Variants in GRID2 observed in about 807,000 individuals in gnomAD.
The protein encoded by GRID2 is glutamate ionotropic receptor delta type subunit 2.
A neutral mutation model predicts 114.8 loss-of-function variants in GRID2; 33 were observed. The ratio of observed to expected loss-of-function variants is 0.29; its 90% CI spans 0.22 to 0.38. The LOEUF is 0.38. Among genes scored for constraint, GRID2 ranks in the 10% least tolerant of loss-of-function variants. The probability of loss-of-function intolerance (pLI) is 1.00; values close to 1 mark genes in which losing one functional copy is unlikely to be tolerated. For missense variants in GRID2, 1,184 were observed against 1,257.7 expected, an observed-to-expected ratio of 0.94 and a Z score of 0.89; for synonymous variants, 505 against 449.9, an observed-to-expected ratio of 1.12 and a Z score of -1.55.
chr4:93,199,110 G>A (rs1741812443), intron 4 of GRID2, among the ~76,000 whole-genome samples: 1 of 152,102 alleles, frequency 6.6e-6, no homozygotes, highest in Admixed American at 6.5e-5. Flanking sequence ...ATAGGCAAGG[G>A]ATGAGGGGTC....
At chr4:93,703,299 G>A (rs888623072) in intron 14 of GRID2, among the ~76,000 whole-genome samples, 1 of 151,978 alleles carries the variant, frequency 6.6e-6, no homozygotes, top group East Asian at 1.9e-4. Flanking sequence ...TATTTATAAG[G>A]TACGTGAGAT....
chr4:93,580,712 G>A (rs17020804), intron 13 of GRID2, among the ~76,000 whole-genome samples: 5,633 of 151,992 alleles, frequency 0.037, 120 homozygotes, highest in African/African-American at 0.056. Flanking sequence ...ACTGAGGAAA[G>A]TGGAAAGTGA....
rs1456334452 is a variant in GRID2 at position 92,731,231 on chromosome 4, A to T, written c.244+140945A>T. Among the ~76,000 whole-genome samples, 5 of 149,210 alleles carry T rather than the reference A, an allele frequency of 3.4e-5. No individual in the cohort carries two copies. In the Admixed American group the frequency reaches 3.4e-4, roughly 10 times the overall value. On this transcript the variant is annotated intron_variant, in intron 2 of 15. Transcript: ENST00000282020. ...TCTAGCTAATTTTAGACAATAAGTG[A>T]TTTTTTTTTTTCTTTCTTTCTTTCT...
intron 2 of GRID2, among the ~76,000 whole-genome samples, chr4:92,693,836 A>C (rs1172488658): frequency 6.6e-6 from 1 of 152,234 alleles, no homozygotes; most frequent in Non-Finnish European, 1.5e-5. Context: ...GTTATATAGG[A>C]TAGATTAAAA....
At chr4:92,687,110 C>T (rs1208281439) in intron 2 of GRID2, among the ~76,000 whole-genome samples, 1 of 151,968 alleles carries the variant, frequency 6.6e-6, no homozygotes, top group African/African-American at 2.4e-5. Context: ...TCTGGAGTTA[C>T]CATGCCTTTT....
At chr4:93,331,492 G>C (rs967758576) in intron 8 of GRID2, among the ~76,000 whole-genome samples, 3 of 151,830 alleles carry the variant, frequency 2.0e-5, no homozygotes, top group Admixed American at 2.0e-4. Context: ...TCACATACAA[G>C]ATAGGTAGTA....
At chr4:93,287,600 T>A (rs772011501) in intron 8 of GRID2, among the ~76,000 whole-genome samples, 3 of 152,080 alleles carry the variant, frequency 2.0e-5, no homozygotes, top group Non-Finnish European at 2.9e-5. Context: ...ATTAGAAGAG[T>A]TTAACTTAAT....
chr4:92,814,543 G>A lies in GRID2; in HGVS notation c.244+224257G>A, dbSNP rs896502435. Among the ~76,000 whole-genome samples, 7 of 152,164 alleles carry A rather than the reference G, an allele frequency of 4.6e-5. No individual in the cohort carries two copies. The East Asian group carries it at 1.4e-3, about 30-fold the overall frequency. ...GGACTTGTTGGAAATGTTTTCCTCT[G>A]GGATTCCAAATAAGTCACCCATAGG... is the stretch of plus-strand genomic sequence containing the variant. On this transcript the variant is annotated intron_variant, in intron 2 of 15. Coordinates refer to ENST00000282020, the MANE Select transcript of GRID2 (RefSeq NM_001510.4).
rs1469605304 is a variant in GRID2, at chr4:93,639,773, G to C, written c.2360+13338G>C. Among the ~76,000 whole-genome samples, 2 of 11,056 alleles carry C rather than the reference G, an allele frequency of 1.8e-4. 1 individual carries two copies. The highest frequency in any genetic ancestry group is 2.8e-4 in the Non-Finnish European group (2 of 7,130). The allele number at this position is 11,056 out of a possible 152,430, so 7.3% of individuals were successfully genotyped here. ...CCTCCAGCTTTGTTCTTTTGGCTTA[G>C]GATTGACTTGGCAATGCGGGTTCTT... On this transcript the variant is annotated intron_variant, in intron 14 of 15. Transcript: ENST00000282020.
intron 2 of GRID2, among the ~76,000 whole-genome samples, chr4:92,646,474 C>G (rs1259645158): frequency 6.6e-6 from 1 of 150,874 alleles, no homozygotes; most frequent in African/African-American, 2.4e-5. Flanking sequence ...TAAATCTTGA[C>G]TAAAAAAAAA....
At chr4:92,591,486 G>A (rs1465705753) in intron 2 of GRID2, among the ~76,000 whole-genome samples, 1 of 152,048 alleles carries the variant, frequency 6.6e-6, no homozygotes, top group Non-Finnish European at 1.5e-5. Flanking sequence ...TAAAACATTT[G>A]CCTCATTAAA....
intron 2 of GRID2, among the ~76,000 whole-genome samples, chr4:92,941,843 G>T (rs1751167039): frequency 1.3e-5 from 2 of 152,252 alleles, no homozygotes; most frequent in South Asian, 4.2e-4. Flanking sequence ...AGTCATTCAG[G>T]AGCAGGTTGC....
At chr4:92,941,245 A>G (rs1344002979) in intron 2 of GRID2, among the ~76,000 whole-genome samples, 3 of 152,042 alleles carry the variant, frequency 2.0e-5, no homozygotes, top group Admixed American at 2.0e-4. Flanking sequence ...TCAATTTCAG[A>G]TCCTGTAACT....
intron 14 of GRID2, among the ~76,000 whole-genome samples, chr4:93,637,257 CCTAA>C (rs1195843342): frequency 1.3e-5 from 2 of 151,952 alleles, no homozygotes; most frequent in East Asian, 1.9e-4. Context: ...CTATAAAGGC[CCTAA>C]CTATGTTAAA....
At chr4:92,582,155 T>A (rs1422503489) in intron 1 of GRID2, among the ~76,000 whole-genome samples, 4 of 151,978 alleles carry the variant, frequency 2.6e-5, no homozygotes, top group African/African-American at 4.8e-5. Flanking sequence ...CTAAGTAAAT[T>A]ATCAATGTTC....
intron 4 of GRID2, among the ~76,000 whole-genome samples, chr4:93,125,668 C>T: frequency 6.6e-6 from 1 of 151,810 alleles, no homozygotes; most frequent in Non-Finnish European, 1.5e-5. Context: ...CCTTAATAGC[C>T]TAAATATCCT....
chr4:93,687,155 G>C (rs569540634), intron 14 of GRID2, among the ~76,000 whole-genome samples: 1 of 152,156 alleles, frequency 6.6e-6, no homozygotes, highest in South Asian at 2.1e-4. Context: ...GAATCTGAGA[G>C]AGAGAGGTTT....
chr4:93,304,774 A>G (rs1218923603), intron 8 of GRID2, among the ~76,000 whole-genome samples: 2 of 152,184 alleles, frequency 1.3e-5, no homozygotes, highest in African/African-American at 4.8e-5. Flanking sequence ...TTAATTGAAT[A>G]GAAGGAGTGC....
At chr4:93,050,554 G>A (rs1305918091) in intron 2 of GRID2, among the ~76,000 whole-genome samples, 1 of 143,058 alleles carries the variant, frequency 7.0e-6, no homozygotes, top group Admixed American at 7.1e-5. Flanking sequence ...GTGTGTGTGT[G>A]GTGTATGTGT....
Sources: allele counts gnomAD v4.1 joint callset (sites outside exome capture counted in the v4.1 genomes callset), GRCh38; gene constraint gnomAD v4.1.1; transcripts MANE v1.5; gene names NCBI Gene and HGNC (gene_info 2026-07-23, HGNC 2026-07-21).